The following KLHL7 variants were observed in gnomAD, a reference collection of about 807,000 sequenced individuals.
KLHL7 encodes kelch-like protein 7.
KLHL7 carries 44 observed loss-of-function variants against 67.4 expected under a neutral mutation model. That is an observed-to-expected ratio of 0.65 (90% confidence interval 0.51 to 0.84). The LOEUF is 0.84. Ranked by LOEUF, KLHL7 falls within the 40% of genes least tolerant of loss-of-function variation. The pLI is 0.00. For missense variants in KLHL7, 362 were observed against 718.1 expected (o/e 0.50, Z 5.67); for synonymous variants, 252 against 243.3 (o/e 1.04, Z -0.33).
intron 4 of KLHL7, among the ~76,000 whole-genome samples, chr7:23,138,461 TAAAAAAAAAAAA>T (rs60497553): frequency 3.2e-5 from 2 of 63,236 alleles, no homozygotes; most frequent in African/African-American, 1.3e-4. Context: ...GACTCCATCT[TAAAAAAAAAAAA>T]AAAAAAAAAA....
chr7:23,157,167 C>CA (rs1784732261), intron 7 of KLHL7, among the ~76,000 whole-genome samples: 1 of 152,248 alleles, frequency 6.6e-6, no homozygotes, highest in East Asian at 1.9e-4. Flanking sequence ...TGTTACATCA[C>CA]AAAAAATTGA....
Position 23,175,296 on chromosome 7 carries a change from C to G in KLHL7, c.*998C>G. 4.4e-6 allele frequency: 2 copies of G among 454,040 alleles called. No individual in the cohort carries two copies. The highest frequency in any genetic ancestry group is 8.8e-6 in the Non-Finnish European group (2 of 226,760). The allele number at this position is 454,040 out of a possible 1,614,324, so 28.1% of individuals were successfully genotyped here. A position where few individuals can be genotyped will look rare whatever the true frequency, so the allele number is the denominator to read the frequency against. ...TTTTATGTGATCAATAAATCTTTTA[C>G]AAACCCAACTACTCATTTCCTTCCT... On this transcript the variant is annotated 3_prime_UTR_variant, in exon 11 of 11. Coordinates refer to ENST00000339077, the MANE Select transcript of KLHL7 (RefSeq NM_001031710.3).
At chr7:23,165,996 G>C in intron 8 of KLHL7, 58 bp downstream of exon 8, 2 of 1,582,358 alleles carry the variant, frequency 1.3e-6, no homozygotes, top group Non-Finnish European at 1.7e-6. Context: ...AAGTATCTTG[G>C]CTTTCATATT....
chr7:23,166,968 G>A (rs1246285161), intron 8 of KLHL7, among the ~76,000 whole-genome samples: 5 of 152,018 alleles, frequency 3.3e-5, no homozygotes, highest in Non-Finnish European at 7.4e-5. Context: ...TTTTGGTCAT[G>A]ACCATTGCTT....
Position 23,141,798 on chromosome 7 carries a change from AT to A in KLHL7, c.618+860del, listed in dbSNP as rs1191220933. Among the ~76,000 whole-genome samples the A allele has an allele frequency of 1.2e-4, 18 of 151,178 alleles. 1 individual carries two copies. The South Asian group carries it at 2.3e-3, about 19-fold the overall frequency. ...CCACCGTGCCCGGCTAATTTTTTGT[AT>A]TTTTTAGTAGAGACGGGGTTTCACC... On this transcript the variant is annotated intron_variant, in intron 5 of 10. Transcript: ENST00000339077.
Position 23,175,593 on chromosome 7 carries a change from C to A in KLHL7, c.*1295C>A, listed in dbSNP as rs191302049. On this transcript the variant is annotated 3_prime_UTR_variant, in exon 11 of 11. Coordinates refer to ENST00000339077, the MANE Select transcript of KLHL7 (RefSeq NM_001031710.3). ...GAAAAACATAATGATAGGTATATTT[C>A]TATTTGTGTAGGGTTTTTTAATGTA... 3.2e-6 allele frequency: 1 copy of A among 313,612 alleles called. No homozygotes were observed. The highest frequency in any genetic ancestry group is 8.7e-5 in the East Asian group (1 of 11,548). The allele number at this position is 313,612 out of a possible 1,614,324, so 19.4% of individuals were successfully genotyped here. A position where few individuals can be genotyped will look rare whatever the true frequency, so the allele number is the denominator to read the frequency against.
chr7:23,126,851 G>A lies in KLHL7; in HGVS notation c.442+1679G>A, dbSNP rs563722916. Among the ~76,000 whole-genome samples, 3 of 152,280 alleles carry A rather than the reference G, an allele frequency of 2.0e-5. No individual in the cohort carries two copies. In the East Asian group the frequency reaches 5.8e-4, roughly 29 times the overall value. On this transcript the variant is annotated intron_variant, in intron 4 of 10. Transcript: ENST00000339077. ...GAGCAGGAAGAGAAATAGCTATGCA[G>A]GTGAATATACTGAAGGAATTTTTAA...
Position 23,174,519 on chromosome 7 carries a change from C to G in KLHL7, c.*221C>G, listed in dbSNP as rs1244600470. On this transcript the variant is annotated 3_prime_UTR_variant, in exon 11 of 11. Transcript: ENST00000339077. The stretch of plus-strand genomic sequence containing the variant: ...ACCAAGAACATATCTAGCAAGAAAA[C>G]TTGAAAAAGTATAAGCATTTGTTAA... The G allele has an allele frequency of 2.7e-5, 18 of 671,434 alleles. No homozygotes were observed. Among genetic ancestry groups the G allele is most frequent in the South Asian group, 4.5e-5 (3 of 66,510 alleles). 41.6% of individuals were successfully genotyped at this position (671,434 alleles called of 1,614,324 possible). A position where few individuals can be genotyped will look rare whatever the true frequency, so the allele number is the denominator to read the frequency against.
intron 1 of KLHL7, among the ~76,000 whole-genome samples, chr7:23,114,540 C>T (rs1783006672): frequency 6.6e-6 from 1 of 152,136 alleles, no homozygotes; most frequent in Admixed American, 6.5e-5. Context: ...AGTAGCTGGA[C>T]CAAGTAGCTG....
intron 9 of KLHL7, among the ~76,000 whole-genome samples, chr7:23,168,347 A>G (rs1785062400): frequency 6.6e-6 from 1 of 152,160 alleles, no homozygotes; most frequent in Non-Finnish European, 1.5e-5. Context: ...GCGGTCAGGA[A>G]ATGTAGAGGA....
chr7:23,167,949 C>T lies in KLHL7; in HGVS notation c.1291C>T (p.Leu431=). 1 of 1,614,212 alleles carries T rather than the reference C, an allele frequency of 6.2e-7. No individual in the cohort carries two copies. The highest frequency in any genetic ancestry group is 1.6e-4 in the Middle Eastern group (1 of 6,062). The part of the protein sequence containing the change: ...CSHGMVEANG[L]IYVCGGSLGN... ...CCATGGGATGGTGGAAGCCAATGGC[C>T]TAATCTATGTTTGTGGTGGAAGTTT... Residue 431 remains leucine, a synonymous_variant, in exon 9 of 11, where the codon CTA becomes TTA. Transcript: ENST00000339077.
At chr7:23,152,315 AGTTTATG>A in intron 7 of KLHL7, 106 bp downstream of exon 7, 1 of 1,016,840 alleles carries the variant, frequency 9.8e-7, no homozygotes, top group Non-Finnish European at 1.5e-6. Context: ...TAGAGATGAT[AGTTTATG>A]GTGTTCTTTC....
intron 9 of KLHL7, among the ~76,000 whole-genome samples, chr7:23,169,106 CA>C (rs1785083116): frequency 6.6e-6 from 1 of 151,940 alleles, no homozygotes; most frequent in South Asian, 2.1e-4. Flanking sequence ...ACTAAAAATA[CA>C]AAAACTAGCT....
At chr7:23,172,636 TC>T (rs1785197697) in intron 9 of KLHL7, among the ~76,000 whole-genome samples, 1 of 152,202 alleles carries the variant, frequency 6.6e-6, no homozygotes, top group Non-Finnish European at 1.5e-5. Context: ...TCTTTTTTGT[TC>T]CCATATTACA....
At chr7:23,173,825 T>A (rs1785230487) in intron 10 of KLHL7, among the ~76,000 whole-genome samples, 190 bp from the exon 11 acceptor site, 1 of 152,226 alleles carries the variant, frequency 6.6e-6, no homozygotes, top group South Asian at 2.1e-4. Flanking sequence ...ATATTAAATG[T>A]CTATTGTGTT....
chr7:23,106,872 A>G (rs566719421), intron 1 of KLHL7: 5 of 915,446 alleles, frequency 5.5e-6, no homozygotes, highest in Non-Finnish European at 6.5e-6. Flanking sequence ...ATTCCATAAC[A>G]TCTACACCGA....
intron 1 of KLHL7, chr7:23,117,928 T>G: frequency 6.2e-7 from 1 of 1,614,122 alleles, no homozygotes; most frequent in Non-Finnish European, 8.5e-7. Flanking sequence ...GAGGGACTGA[T>G]TGCAGAACCT....
Position 23,143,953 on chromosome 7 carries a change from A to G in KLHL7, c.721A>G (p.Asn241Asp). ...AKVRFPLISK[N>D]FLSKTVQAEP... ...AGTCAGGTTTCCTCTTATATCAAAGAATTTCTTAAGTAAAACGGTACAAGC... is the reference window on the plus strand; with the variant it reads ...AGTCAGGTTTCCTCTTATATCAAAGGATTTCTTAAGTAAAACGGTACAAGC... Residue 241 changes from asparagine to aspartate, a missense_variant, in exon 6 of 11, where the codon AAT (asparagine) becomes GAT (aspartate). Coordinates refer to ENST00000339077, the MANE Select transcript of KLHL7 (RefSeq NM_001031710.3). The G allele has an allele frequency of 6.2e-7, 1 of 1,614,100 alleles. No homozygotes were observed. The highest frequency in any genetic ancestry group is 8.5e-7 in the Non-Finnish European group (1 of 1,179,970).
intron 10 of KLHL7, 145 bp from the exon 11 acceptor site, chr7:23,173,870 T>C: frequency 1.3e-6 from 1 of 759,558 alleles, no homozygotes; most frequent in South Asian, 1.7e-5. Context: ...TATGTGGACA[T>C]TCACTGTAAA....
Sources: allele counts gnomAD v4.1 joint callset (sites outside exome capture counted in the v4.1 genomes callset), GRCh38; gene constraint gnomAD v4.1.1; transcripts MANE v1.5; gene names NCBI Gene and HGNC (gene_info 2026-07-23, HGNC 2026-07-21).